The following XKR9 variants were observed in gnomAD, a reference collection of about 807,000 sequenced individuals.
The protein encoded by XKR9 is XK related 9.
XKR9 carries 32 observed loss-of-function variants against 32.0 expected under a neutral mutation model. That is an observed-to-expected ratio of 1.00 (90% CI 0.76 to 1.34). The LOEUF is 1.34. Among genes scored for constraint, XKR9 ranks in the 40% most tolerant of loss-of-function variants. XKR9 has a pLI of 0.00. For missense variants in XKR9, 546 were observed against 429.7 expected (o/e 1.27, Z -2.39); for synonymous variants, 168 against 143.4 (o/e 1.17, Z -1.22).
At chr8:70,832,852 T>A in the XKR9 span, among the ~76,000 whole-genome samples, 3 of 152,312 alleles carry the variant, frequency 2.0e-5, no homozygotes, top group East Asian at 5.8e-4. Flanking sequence ...CTGTTCGCCT[T>A]CTCCACCAGA....
chr8:70,909,702 C>CG, the XKR9 span, among the ~76,000 whole-genome samples: 1 of 113,730 alleles, frequency 8.8e-6, no homozygotes, highest in Admixed American at 9.0e-5. Context: ...TTCGATTTAT[C>CG]CTTTTTTTTT....
the XKR9 span, among the ~76,000 whole-genome samples, chr8:70,888,021 T>C: frequency 4.6e-5 from 7 of 152,132 alleles, no homozygotes; most frequent in Non-Finnish European, 7.4e-5. Flanking sequence ...AGGGAATGCT[T>C]CCAGCTTTTG....
the XKR9 span, among the ~76,000 whole-genome samples, chr8:70,797,691 A>G: frequency 6.6e-6 from 1 of 151,970 alleles, no homozygotes; most frequent in Non-Finnish European, 1.5e-5. Context: ...TAGTATTTCC[A>G]TCTTCACTCC....
At chr8:70,706,418 A>G (rs1048015421) in intron 3 of XKR9, among the ~76,000 whole-genome samples, 2 of 152,110 alleles carry the variant, frequency 1.3e-5, no homozygotes, top group Non-Finnish European at 2.9e-5. Context: ...TTTAAGGAAG[A>G]TTCAATCTCA....
At chr8:70,874,569 G>T in the XKR9 span, among the ~76,000 whole-genome samples, 14 of 152,224 alleles carry the variant, frequency 9.2e-5, no homozygotes, top group African/African-American at 2.2e-4. Context: ...TGTATTTAAA[G>T]GTGTGAACCA....
the XKR9 span, among the ~76,000 whole-genome samples, chr8:70,951,370 G>A: frequency 6.6e-6 from 1 of 152,244 alleles, no homozygotes; most frequent in African/African-American, 2.4e-5. Flanking sequence ...AGGTTGTGGG[G>A]TGGGGGACAG....
downstream of XKR9, among the ~76,000 whole-genome samples, chr8:70,740,112 A>C (rs946322847): frequency 4.6e-5 from 7 of 152,274 alleles, no homozygotes; most frequent in Middle Eastern, 3.4e-3. Flanking sequence ...CAGCAATCAG[A>C]TGTAGATTTG....
intron 2 of XKR9, among the ~76,000 whole-genome samples, chr8:70,764,302 C>T (rs1205553673): frequency 6.6e-6 from 1 of 152,106 alleles, no homozygotes; most frequent in Non-Finnish European, 1.5e-5. Flanking sequence ...GCAATGGAGT[C>T]CCAAAGGGCC....
the XKR9 span, among the ~76,000 whole-genome samples, chr8:70,865,358 A>T: frequency 2.6e-5 from 4 of 152,000 alleles, no homozygotes; most frequent in African/African-American, 9.7e-5. Flanking sequence ...AAAGACATCC[A>T]CATCCTGATA....
At chr8:70,911,699 A>G in the XKR9 span, among the ~76,000 whole-genome samples, 1 of 152,212 alleles carries the variant, frequency 6.6e-6, no homozygotes, top group African/African-American at 2.4e-5. Flanking sequence ...ATACATTGGT[A>G]GATGGTTATG....
the XKR9 span, among the ~76,000 whole-genome samples, chr8:70,957,172 A>T: frequency 6.6e-6 from 1 of 152,094 alleles, no homozygotes; most frequent in Non-Finnish European, 1.5e-5. Flanking sequence ...TTATTTTTTT[A>T]TTTTAATTTT....
the XKR9 span, among the ~76,000 whole-genome samples, chr8:70,832,475 A>T: frequency 6.6e-6 from 1 of 152,224 alleles, no homozygotes; most frequent in South Asian, 2.1e-4. Context: ...CAGAAGGGGA[A>T]GACTTTACTT....
chr8:70,872,501 T>A, the XKR9 span, among the ~76,000 whole-genome samples: 1 of 152,210 alleles, frequency 6.6e-6, no homozygotes, highest in Non-Finnish European at 1.5e-5. Context: ...AGATCATTGA[T>A]GAGGGGACTA....
chr8:70,727,080 C>G (rs1324839988), intron 4 of XKR9, among the ~76,000 whole-genome samples: 1 of 152,106 alleles, frequency 6.6e-6, no homozygotes, highest in African/African-American at 2.4e-5. Context: ...ACCCTCGATT[C>G]TTTTGGGATG....
chr8:70,736,165 G>A (rs1806857942), downstream of XKR9, among the ~76,000 whole-genome samples: 1 of 151,976 alleles, frequency 6.6e-6, no homozygotes, highest in Non-Finnish European at 1.5e-5. Flanking sequence ...TCTAACTGGT[G>A]TGAGATGGTA....
chr8:70,836,809 C>G, the XKR9 span, among the ~76,000 whole-genome samples: 2 of 152,048 alleles, frequency 1.3e-5, no homozygotes, highest in Non-Finnish European at 2.9e-5. Flanking sequence ...GTGTCAGGCA[C>G]TATGCTGGGC....
the XKR9 span, among the ~76,000 whole-genome samples, chr8:70,913,022 C>A: frequency 1.3e-5 from 2 of 152,066 alleles, no homozygotes; most frequent in African/African-American, 4.8e-5. Context: ...AAAAAACTAA[C>A]AGTTCAGGAA....
chr8:71,036,573 T>G, the XKR9 span, among the ~76,000 whole-genome samples: 7 of 152,170 alleles, frequency 4.6e-5, no homozygotes, highest in Non-Finnish European at 1.0e-4. Context: ...TGGACAGTCC[T>G]TGGACATCTA....
chr8:70,813,198 T>A, the XKR9 span, among the ~76,000 whole-genome samples: 14 of 152,178 alleles, frequency 9.2e-5, no homozygotes, highest in African/African-American at 3.1e-4. Flanking sequence ...GGGGAAAGGA[T>A]TCCCTATTTA....
Sources: gnomAD v4.1 joint callset for allele counts (sites outside exome capture counted in the v4.1 genomes callset) on GRCh38, gnomAD v4.1.1 for gene constraint, MANE v1.5 for transcripts, NCBI Gene and HGNC (gene_info 2026-07-23, HGNC 2026-07-21) for gene names.